NXF2: variants seen among roughly 807,000 people sequenced by gnomAD.
NXF2 encodes nuclear RNA export factor 2, also known as TAP-like protein 2.
chrX:102,251,575 C>T (rs1383104412), intron 2 of NXF2, among the ~76,000 whole-genome samples: 3 of 25,545 alleles, frequency 1.2e-4, no homozygotes, highest in Non-Finnish European at 6.6e-5. Flanking sequence ...ACGGGTTAGG[C>T]GAGAAATGGT....
At chrX:102,281,732 C>A (rs1933917377) in intron 2 of NXF2, among the ~76,000 whole-genome samples, 1 of 78,228 alleles carries the variant, frequency 1.3e-5, no homozygotes, top group African/African-American at 4.7e-5. Context: ...CGTGTGACCC[C>A]CCCCCTCCCC....
chrX:102,252,051 G>GGC (rs1933826287), intron 2 of NXF2, among the ~76,000 whole-genome samples: 1 of 110,710 alleles, frequency 9.0e-6, no homozygotes, highest in African/African-American at 3.3e-5. Flanking sequence ...GGAGTGCAGT[G>GGC]GCGCGATCTC....
chrX:102,282,266 C>T lies in NXF2; in HGVS notation c.-53-24760C>T, dbSNP rs1453220030. The stretch of plus-strand genomic sequence containing the variant: ...TCTGGCTAGGGCTGCTTTAAATGCT[C>T]CCTCTGTTGGGGGGGCATGAGCTGA... On this transcript the variant is annotated intron_variant, in intron 2 of 22. Coordinates refer to ENST00000625106, the MANE Select transcript of NXF2 (RefSeq NM_022053.4). Among the ~76,000 whole-genome samples, 10 of 111,166 alleles carry T rather than the reference C, an allele frequency of 9.0e-5. No homozygotes were observed. The East Asian group carries it at 2.0e-3, about 23-fold the overall frequency.
intron 2 of NXF2, among the ~76,000 whole-genome samples, chrX:102,252,103 C>T (rs1224195510): frequency 1.2e-4 from 11 of 88,361 alleles, no homozygotes; most frequent in Admixed American, 1.2e-3. Context: ...AGCAATTCTC[C>T]TGTCTCAGCC....
chrX:102,282,410 C>T (rs1462005963), intron 2 of NXF2, among the ~76,000 whole-genome samples: 3 of 114,593 alleles, frequency 2.6e-5, no homozygotes, highest in Non-Finnish European at 3.7e-5. Flanking sequence ...CTGCTGTGGC[C>T]AGGGGTGGGG....
chrX:102,286,249 G>T (rs1933940616), intron 2 of NXF2, among the ~76,000 whole-genome samples: 1 of 114,872 alleles, frequency 8.7e-6, no homozygotes, highest in Non-Finnish European at 1.9e-5. Context: ...TATGGTGGTG[G>T]CTGCTGGCAA....
intron 2 of NXF2, among the ~76,000 whole-genome samples, chrX:102,252,280 AC>A (rs1192206076): frequency 4.0e-5 from 2 of 50,091 alleles, no homozygotes; most frequent in East Asian, 6.2e-4. Context: ...GGCGTGAGCC[AC>A]CCCCCTCCCC....
intron 2 of NXF2, among the ~76,000 whole-genome samples, chrX:102,282,109 C>T (rs1407758023): frequency 2.4e-5 from 2 of 84,822 alleles, no homozygotes; most frequent in East Asian, 4.1e-4. Context: ...TGAGCCACCA[C>T]GCCCGGCCAG....
intron 2 of NXF2, among the ~76,000 whole-genome samples, chrX:102,254,572 G>T (rs1933837810): frequency 1.9e-5 from 1 of 53,719 alleles, no homozygotes. Context: ...CTATCCTAAT[G>T]GTTGTATGGT....
At chrX:102,282,405 G>A (rs1372986624) in intron 2 of NXF2, among the ~76,000 whole-genome samples, 1 of 84,052 alleles carries the variant, frequency 1.2e-5, no homozygotes, top group African/African-American at 3.6e-5. Flanking sequence ...CCATGCTGCT[G>A]TGGCCAGGGG....
intron 2 of NXF2, among the ~76,000 whole-genome samples, chrX:102,298,786 G>T (rs1934009608): frequency 8.7e-6 from 1 of 114,609 alleles, no homozygotes; most frequent in Non-Finnish European, 1.9e-5. Context: ...TGAGGATCAT[G>T]ATGGAAAATT....
At chrX:102,298,518 G>C (rs1556385414) in intron 2 of NXF2, among the ~76,000 whole-genome samples, 1 of 69,761 alleles carries the variant, frequency 1.4e-5, no homozygotes, top group East Asian at 6.1e-4. Context: ...GGAGACTTAA[G>C]CATGGCACCA....
chrX:102,282,276 G>A (rs1259921277), intron 2 of NXF2, among the ~76,000 whole-genome samples: 49 of 112,337 alleles, frequency 4.4e-4, no homozygotes, highest in African/African-American at 1.5e-3. Flanking sequence ...CCCTCTGTTG[G>A]GGGGGCATGA....
At chrX:102,251,861 TC>T (rs1382542653) in intron 2 of NXF2, among the ~76,000 whole-genome samples, 1 of 103,237 alleles carries the variant, frequency 9.7e-6, no homozygotes, top group Non-Finnish European at 2.0e-5. Context: ...TGCATCACTT[TC>T]GTTTATCCTT....
At chrX:102,254,526 G>A (rs1430209118) in intron 2 of NXF2, among the ~76,000 whole-genome samples, 2 of 71,764 alleles carry the variant, frequency 2.8e-5, no homozygotes, top group Non-Finnish European at 5.1e-5. Context: ...CCACACACTC[G>A]GCAATGTTTG....
At chrX:102,282,240 C>T (rs1157453794) in intron 2 of NXF2, among the ~76,000 whole-genome samples, 1 of 105,026 alleles carries the variant, frequency 9.5e-6, no homozygotes, top group Non-Finnish European at 2.0e-5. Flanking sequence ...AGTGATTCCC[C>T]TCTGGCTAGG....
intron 2 of NXF2, among the ~76,000 whole-genome samples, chrX:102,282,276 G>T (rs1259921277): frequency 1.8e-5 from 2 of 112,375 alleles, no homozygotes; most frequent in Non-Finnish European, 3.8e-5. Flanking sequence ...CCCTCTGTTG[G>T]GGGGGCATGA....
intron 2 of NXF2, among the ~76,000 whole-genome samples, chrX:102,298,688 G>A (rs1195265982): frequency 1.3e-4 from 15 of 113,551 alleles, no homozygotes; most frequent in African/African-American, 4.5e-4. Flanking sequence ...GGAGCGTTTG[G>A]CACTCAGCTG....
chrX:102,298,567 A>G (rs1934005767), intron 2 of NXF2, among the ~76,000 whole-genome samples: 1 of 84,865 alleles, frequency 1.2e-5, no homozygotes, highest in Non-Finnish European at 2.2e-5. Context: ...CATGGGTACC[A>G]CAGTTGCTGC....
Sources: allele counts gnomAD v4.1 joint callset (sites outside exome capture counted in the v4.1 genomes callset), GRCh38; gene constraint gnomAD v4.1.1; transcripts MANE v1.5; gene names NCBI Gene and HGNC (gene_info 2026-07-23, HGNC 2026-07-21).